Variants in LRP1 observed in about 807,000 individuals in gnomAD.
The protein encoded by LRP1 is prolow-density lipoprotein receptor-related protein 1.
LRP1 carries 51 observed loss-of-function variants against 541.5 expected under a neutral mutation model. The observed-to-expected ratio is 0.09, with a 90% CI of 0.08 to 0.12. LRP1 has a LOEUF of 0.12. Ranked by LOEUF, LRP1 falls within the 10% of genes least tolerant of loss-of-function variation. The probability of loss-of-function intolerance (pLI) is 1.00; values close to 1 mark genes in which losing one functional copy is unlikely to be tolerated. For missense variants in LRP1, 3,878 were observed against 6,376.2 expected (o/e 0.61, Z 13.34); for synonymous variants, 2,219 against 2,470.8 (o/e 0.90, Z 3.02).
chr12:57,194,522 G>A lies in LRP1; in HGVS notation c.8068+19G>A. On this transcript the variant is annotated intron_variant, in intron 49 of 88. Coordinates refer to ENST00000243077, the MANE Select transcript of LRP1 (RefSeq NM_002332.3). Reference sequence around the variant, plus strand: ...TGCCCAGGTGGGCGGGGGCAGGTGTGTGGTGGGTGGTGGCCTGCGGTGAGC... The same window carrying A: ...TGCCCAGGTGGGCGGGGGCAGGTGTATGGTGGGTGGTGGCCTGCGGTGAGC... 2 of 1,611,092 alleles carry A rather than the reference G, an allele frequency of 1.2e-6. No homozygotes were observed. The highest frequency in any genetic ancestry group is 1.7e-5 in the Admixed American group (1 of 59,480).
At position 57,197,575 on chromosome 12, in the gene LRP1, G is replaced by A. The variant is rs1415866583; in HGVS notation, c.9193G>A (p.Asp3065Asn). 1.9e-6 allele frequency: 3 copies of A among 1,613,938 alleles called. No individual in the cohort carries two copies. In the South Asian group the frequency reaches 3.3e-5, roughly 18 times the overall value. ...GLNNAVALDF[D>N]YREQMIYWTD... ...GAACAACGCCGTTGCCTTGGATTTT[G>A]ACTACCGAGAGCAGATGATCTACTG... The change falls in exon 58 of 89, where the codon GAC (aspartate) becomes AAC (asparagine). Residue 3065 changes from aspartate to asparagine, a missense_variant. Asp to Asn is a conservative substitution (Grantham distance 23, BLOSUM62 1). Transcript: ENST00000243077. The surrounding 1 kb of genome is among the most constrained non-coding windows in gnomAD (Gnocchi z 4.5).
At chr12:57,191,092 C>A in intron 43 of LRP1, 83 bp downstream of exon 43, 1 of 1,415,078 alleles carries the variant, frequency 7.1e-7, no homozygotes, top group Non-Finnish European at 9.7e-7. Context: ...ACCGTCCAGG[C>A]ACAGACATGG....
At position 57,193,226 on chromosome 12, in the gene LRP1, G is replaced by A. The variant is rs773772567; in HGVS notation, c.7606G>A (p.Glu2536Lys). Reference protein sequence around the residue: ...AQDEFECANGECINFSLTCDG... With the variant: ...AQDEFECANGKCINFSLTCDG... Reference sequence around the variant, plus strand: ...AGATGAGTTTGAGTGTGCCAATGGCGAGTGCATCAACTTCAGCCTGACCTG... The same window carrying A: ...AGATGAGTTTGAGTGTGCCAATGGCAAGTGCATCAACTTCAGCCTGACCTG... The change falls in exon 46 of 89, where the codon GAG (glutamate) becomes AAG (lysine). Residue 2536 changes from glutamate (E) to lysine (K), a missense_variant. Glu to Lys is a moderately conservative substitution (Grantham distance 56, BLOSUM62 1). Coordinates refer to ENST00000243077, the MANE Select transcript of LRP1 (RefSeq NM_002332.3). 3.1e-6 allele frequency: 5 copies of A among 1,613,992 alleles called. No homozygotes were observed. Among genetic ancestry groups the A allele is most frequent in the South Asian group, 2.2e-5 (2 of 91,086 alleles).
rs369564225 is a variant in LRP1, at chr12:57,206,759, C to A, written c.11859+18C>A. 7 of 1,607,376 alleles carry A rather than the reference C, an allele frequency of 4.4e-6. No homozygotes were observed. The highest frequency in any genetic ancestry group is 5.1e-6 in the Non-Finnish European group (6 of 1,179,164). ...ACCTCAACGTGAGTGCCCAACCTGG[C>A]GTGGATGGAGTGGAAGAGCTCCATA... On this transcript the variant is annotated intron_variant, in intron 76 of 88. Transcript: ENST00000243077. This position sits in a 1 kb window ranked among gnomAD's most constrained non-coding sequence, Gnocchi z 4.7.
At chr12:57,208,252 G>A in intron 77 of LRP1, 36 bp downstream of exon 77, 1 of 1,595,986 alleles carries the variant, frequency 6.3e-7, no homozygotes, top group Non-Finnish European at 8.5e-7. Context: ...CTCTGGGCTG[G>A]TGGTAGGAAG....
intron 3 of LRP1, among the ~76,000 whole-genome samples, chr12:57,142,229 G>T (rs1200502567): frequency 6.6e-6 from 1 of 152,274 alleles, no homozygotes; most frequent in East Asian, 1.9e-4. Context: ...AGAGCCTCAA[G>T]CCTGCGTGTT....
rs746501183 is a variant in LRP1 at position 57,173,323 on chromosome 12, A to G, written c.3319A>G (p.Ser1107Gly). Residue 1107 changes from serine (S) to glycine (G), a missense_variant, in exon 21 of 89, where the codon AGT becomes GGT. Physicochemically the swap from Ser to Gly is moderately conservative, Grantham distance 56 (BLOSUM62 0). Coordinates refer to ENST00000243077, the MANE Select transcript of LRP1 (RefSeq NM_002332.3). This position sits in a 1 kb window ranked among gnomAD's most constrained non-coding sequence, Gnocchi z 4.7. ...GGGAGTGACCCACGTCTGCGATCCC[A>G]GTGTCAAGTTTGGCTGCAAGGACTC... ...CEGVTHVCDPSVKFGCKDSAR... is the reference protein window; with the variant it reads ...CEGVTHVCDPGVKFGCKDSAR... The G allele has an allele frequency of 1.1e-5, 17 of 1,613,742 alleles. No homozygotes were observed. The highest frequency in any genetic ancestry group is 2.2e-5 in the East Asian group (1 of 44,890).
chr12:57,198,684 T>C lies in LRP1; in HGVS notation c.9676+14T>C. 6.3e-7 allele frequency: 1 copy of C among 1,598,384 alleles called. No individual in the cohort carries two copies. Among genetic ancestry groups the C allele is most frequent in the Non-Finnish European group, 8.5e-7 (1 of 1,172,894 alleles). ...ATCGCCACGTTGGTCAGTGTGCCAG[T>C]GAGGCTGTCCAGGCACAGCAGACTC... is the stretch of plus-strand genomic sequence containing the variant. On this transcript the variant is annotated intron_variant, in intron 60 of 88. Transcript: ENST00000243077.
At chr12:57,208,476 T>G (rs2036835181) in intron 77 of LRP1, 1 of 593,812 alleles carries the variant, frequency 1.7e-6, no homozygotes, top group Non-Finnish European at 3.0e-6. Flanking sequence ...CACTCTGCCC[T>G]GGGGAACAGC....
chr12:57,183,669 G>T lies in LRP1; in HGVS notation c.5795-106G>T. 2 of 1,520,428 alleles carry T rather than the reference G, an allele frequency of 1.3e-6. No individual in the cohort carries two copies. Among genetic ancestry groups the T allele is most frequent in the Non-Finnish European group, 1.8e-6 (2 of 1,120,588 alleles). The allele number at this position is 1,520,428 out of a possible 1,614,324, so 94.2% of individuals were successfully genotyped here. On this transcript the variant is annotated intron_variant, in intron 35 of 88. Transcript: ENST00000243077. This position sits in a 1 kb window ranked among gnomAD's most constrained non-coding sequence, Gnocchi z 6.1. Reference sequence around the variant, plus strand: ...ACTCCACCTCCCCTTCAAGCACCTGGCCCCTCCGGCACTCTCTCACCTCTG... The same window carrying T: ...ACTCCACCTCCCCTTCAAGCACCTGTCCCCTCCGGCACTCTCTCACCTCTG...
intron 11 of LRP1, among the ~76,000 whole-genome samples, chr12:57,159,573 TGTA>T (rs1486464883): frequency 6.6e-6 from 1 of 152,194 alleles, no homozygotes; most frequent in African/African-American, 2.4e-5. Flanking sequence ...ACATCAGCCA[TGTA>T]GTTTACCATC....
chr12:57,209,090 C>A lies in LRP1; in HGVS notation c.12153C>A (p.Ala4051=), dbSNP rs544092652. Residue 4051 remains alanine (A), a synonymous_variant, in exon 79 of 89, where the codon GCC becomes GCA. Transcript: ENST00000243077. The stretch of plus-strand genomic sequence containing the variant: ...TGCTCTCTCTCTCCCCAGGCCTGGC[C>A]GTGGATTATCACAATGAGCGGCTGT... ...QDNIQWPTGL[A]VDYHNERLYW... is the part of the protein sequence containing the mutation. 1.2e-6 allele frequency: 2 copies of A among 1,612,534 alleles called. No homozygotes were observed. Among genetic ancestry groups the A allele is most frequent in the Admixed American group, 1.7e-5 (1 of 59,960 alleles).
At position 57,209,871 on chromosome 12, in the gene LRP1, G is replaced by T. The variant is rs202071624; in HGVS notation, c.12439+3G>T. 20 of 1,612,310 alleles carry T rather than the reference G, an allele frequency of 1.2e-5. No homozygotes were observed. Among genetic ancestry groups the T allele is most frequent in the Non-Finnish European group, 1.4e-5 (17 of 1,179,092 alleles). ...CCATCAGCACAAGCAGCCCGAAGGT[G>T]GGGGCAGAGGGGAGCCTGGGCTGGG... On this transcript the variant is annotated splice_donor_region_variant and intron_variant, in intron 80 of 88. Transcript: ENST00000243077.
chr12:57,167,565 C>A (rs369130501), intron 19 of LRP1, 41 bp downstream of exon 19: 6 of 1,542,974 alleles, frequency 3.9e-6, no homozygotes, highest in Non-Finnish European at 9.0e-7. Flanking sequence ...CCTAAGACAG[C>A]TAGAGGCTAC....
In LRP1 at chr12:57,128,896, T is replaced by TGG. The variant is rs35919563; in HGVS notation, c.-62_-61dup. The TGG allele has an allele frequency of 2.2e-6, 3 of 1,350,202 alleles. No homozygotes were observed. The highest frequency in any genetic ancestry group is 1.5e-5 in the African/African-American group (1 of 68,328). The allele number at this position is 1,350,202 out of a possible 1,614,324, so 83.6% of individuals were successfully genotyped here. ...AGGAGGAAAAGGGGGACCCCCCAAC[T>TGG]GGGGGGGGTGAAGGAGAGAAGTAGC... is the stretch of plus-strand genomic sequence containing the variant. On this transcript the variant is annotated 5_prime_UTR_variant, in exon 1 of 89. Coordinates refer to ENST00000243077, the MANE Select transcript of LRP1 (RefSeq NM_002332.3).
intron 2 of LRP1, among the ~76,000 whole-genome samples, chr12:57,140,249 C>T (rs1480984403): frequency 6.6e-6 from 1 of 152,122 alleles, no homozygotes; most frequent in African/African-American, 2.4e-5. Flanking sequence ...CAGACCACAA[C>T]CTTTGATTCT....
intron 41 of LRP1, among the ~76,000 whole-genome samples, chr12:57,186,289 TGA>T (rs2036269721): frequency 1.3e-5 from 2 of 152,246 alleles, no homozygotes. Context: ...GTGTCTCATC[TGA>T]GACAGGATTC....
At chr12:57,190,364 C>T (rs537508317) in intron 42 of LRP1, among the ~76,000 whole-genome samples, 1 of 152,348 alleles carries the variant, frequency 6.6e-6, no homozygotes, top group East Asian at 1.9e-4. Flanking sequence ...AGATTAACTT[C>T]TTCCACTCTC....
Position 57,183,737 on chromosome 12 carries a change from C to T in LRP1, c.5795-38C>T, listed in dbSNP as rs1285042998. On this transcript the variant is annotated intron_variant, in intron 35 of 88. Coordinates refer to ENST00000243077, the MANE Select transcript of LRP1 (RefSeq NM_002332.3). This position sits in a 1 kb window ranked among gnomAD's most constrained non-coding sequence, Gnocchi z 6.1. ...TTTTGACCCCTCACCTTACCCCTGC[C>T]TTATTGGGCATCCCCATGTCACCTC... 1 of 1,612,126 alleles carries T rather than the reference C, an allele frequency of 6.2e-7. No individual in the cohort carries two copies. The highest frequency in any genetic ancestry group is 8.5e-7 in the Non-Finnish European group (1 of 1,179,778).
Sources: allele counts gnomAD v4.1 joint callset (sites outside exome capture counted in the v4.1 genomes callset), GRCh38; gene constraint gnomAD v4.1.1; non-coding constraint Gnocchi (gnomAD v3.1); transcripts MANE v1.5; gene names NCBI Gene and HGNC (gene_info 2026-07-23, HGNC 2026-07-21).